The following RABGEF1 variants were observed in gnomAD, a reference collection of about 807,000 sequenced individuals.
The protein encoded by RABGEF1 is RAB guanine nucleotide exchange factor 1.
RABGEF1 carries 26 observed loss-of-function variants against 57.3 expected under a neutral mutation model. The ratio of observed to expected loss-of-function variants is 0.45; its 90% CI spans 0.33 to 0.63. The LOEUF (loss-of-function observed/expected upper bound fraction) is 0.63, where lower values mean the gene tolerates loss of function less well. Among genes scored for constraint, RABGEF1 ranks in the 20% least tolerant of loss-of-function variants. The pLI is 0.02. For synonymous variants in RABGEF1, 185 were observed against 210.7 expected (o/e 0.88, Z 1.06); for missense variants, 464 against 607.6 (o/e 0.76, Z 2.48).
chr7:66,671,771 A>AT, the RABGEF1 span, among the ~76,000 whole-genome samples: 1 of 150,322 alleles, frequency 6.7e-6, no homozygotes, highest in African/African-American at 2.4e-5. Context: ...GCAGTGAGCC[A>AT]TGATCCTACC....
At chr7:66,729,643 G>A (rs1406254455) in intron 2 of RABGEF1, among the ~76,000 whole-genome samples, 1 of 151,700 alleles carries the variant, frequency 6.6e-6, no homozygotes, top group East Asian at 1.9e-4. Flanking sequence ...CACTTCCACT[G>A]TCTTCACTAA....
intron 2 of RABGEF1, among the ~76,000 whole-genome samples, chr7:66,714,075 C>T (rs1209319489): frequency 6.6e-6 from 1 of 152,054 alleles, no homozygotes; most frequent in African/African-American, 2.4e-5. Flanking sequence ...GTAATGTTGG[C>T]TTTATACAAC....
chr7:66,751,308 G>C (rs1297391356), intron 1 of RABGEF1, among the ~76,000 whole-genome samples: 2 of 152,194 alleles, frequency 1.3e-5, no homozygotes, highest in Non-Finnish European at 2.9e-5. Context: ...TGGCATTACA[G>C]GCGTGAGCCA....
chr7:66,721,539 C>T (rs1470478461), intron 2 of RABGEF1, among the ~76,000 whole-genome samples: 1 of 152,188 alleles, frequency 6.6e-6, no homozygotes, highest in Non-Finnish European at 1.5e-5. Context: ...AATTCCACCC[C>T]CTTTGCTCTG....
intron 4 of RABGEF1, among the ~76,000 whole-genome samples, chr7:66,785,034 G>A (rs1810835574): frequency 6.6e-6 from 1 of 152,158 alleles, no homozygotes; most frequent in Non-Finnish European, 1.5e-5. Context: ...TATGTATACT[G>A]TAGTACATAT....
intron 6 of RABGEF1, among the ~76,000 whole-genome samples, chr7:66,797,933 G>T (rs754402981): frequency 6.6e-6 from 1 of 152,050 alleles, no homozygotes; most frequent in Non-Finnish European, 1.5e-5. Context: ...CCCAGGCAAC[G>T]TGGTAAAACC....
intron 2 of RABGEF1, among the ~76,000 whole-genome samples, chr7:66,732,552 G>T (rs1052198824): frequency 6.6e-6 from 1 of 152,034 alleles, no homozygotes; most frequent in Non-Finnish European, 1.5e-5. Flanking sequence ...AGCCTCCCCC[G>T]ATCCTCTGGG....
At chr7:66,740,991 C>G (rs573454953) in intron 1 of RABGEF1, among the ~76,000 whole-genome samples, 199 bp downstream of exon 1, 2 of 152,312 alleles carry the variant, frequency 1.3e-5, no homozygotes, top group South Asian at 4.1e-4. Flanking sequence ...CGTTCCAGGC[C>G]GCCCTCGGCT....
the RABGEF1 span, among the ~76,000 whole-genome samples, chr7:66,655,315 A>G: frequency 6.6e-6 from 1 of 151,626 alleles, no homozygotes; most frequent in Non-Finnish European, 1.5e-5. Context: ...AGAGGGAGGG[A>G]CTCTGCCGCT....
chr7:66,681,164 C>G (rs768440093), upstream of RABGEF1, among the ~76,000 whole-genome samples: 3 of 152,196 alleles, frequency 2.0e-5, no homozygotes, highest in Non-Finnish European at 4.4e-5. Flanking sequence ...GGATTCCAAC[C>G]CAGGTCTATC....
the RABGEF1 span, among the ~76,000 whole-genome samples, chr7:66,675,654 G>A: frequency 2.4e-4 from 37 of 152,092 alleles, no homozygotes; most frequent in African/African-American, 8.9e-4. Flanking sequence ...TTTCATGAAC[G>A]ATGTGGTCTT....
At chr7:66,801,972 C>T (rs780673269) in intron 7 of RABGEF1, among the ~76,000 whole-genome samples, 1 of 152,152 alleles carries the variant, frequency 6.6e-6, no homozygotes, top group South Asian at 2.1e-4. Flanking sequence ...CAAGTGGCAA[C>T]GATCATGGCT....
chr7:66,808,993 A>G lies in RABGEF1; in HGVS notation c.1185A>G (p.Glu395=). Residue 395 remains glutamate, a synonymous_variant, in exon 9 of 9, where the codon GAA becomes GAG. Coordinates refer to ENST00000284957, the MANE Select transcript of RABGEF1 (RefSeq NM_014504.3). ...GCCAGACCTCTCCCAGGAAGCAAGA[A>G]GCTGAGAGTTGGTCTCCTGATGCTT... ...MSGQTSPRKQ[E]AESWSPDACL... is the part of the protein sequence containing the mutation. 6.2e-7 allele frequency: 1 copy of G among 1,614,180 alleles called. No homozygotes were observed. Among genetic ancestry groups the G allele is most frequent in the Non-Finnish European group, 8.5e-7 (1 of 1,180,034 alleles).
chr7:66,668,015 C>G, the RABGEF1 span, among the ~76,000 whole-genome samples: 23 of 152,262 alleles, frequency 1.5e-4, no homozygotes, highest in South Asian at 4.4e-3. Flanking sequence ...GAAGGCTGGT[C>G]TCGAACTTCT....
At chr7:66,786,162 G>A (rs770792639) in intron 4 of RABGEF1, among the ~76,000 whole-genome samples, 1 of 152,166 alleles carries the variant, frequency 6.6e-6, no homozygotes, top group African/African-American at 2.4e-5. Flanking sequence ...TCCAAGCCCT[G>A]TATATGCCGG....
At chr7:66,750,416 G>A (rs1345740597) in intron 1 of RABGEF1, among the ~76,000 whole-genome samples, 6 of 152,178 alleles carry the variant, frequency 3.9e-5, no homozygotes, top group Non-Finnish European at 7.3e-5. Flanking sequence ...GCTATGTTGA[G>A]TAGATATTAC....
upstream of RABGEF1, among the ~76,000 whole-genome samples, chr7:66,737,093 C>CGA (rs141745026): frequency 0.066 from 8,451 of 127,244 alleles, 250 homozygotes; most frequent in East Asian, 0.1. Flanking sequence ...AGAGCGAGAG[C>CGA]GAGAGAGAGA....
At chr7:66,784,302 C>T (rs910075627) in intron 4 of RABGEF1, among the ~76,000 whole-genome samples, 7 of 152,172 alleles carry the variant, frequency 4.6e-5, no homozygotes, top group Non-Finnish European at 8.8e-5. Context: ...ATGAAAGGGA[C>T]TTTAGCAACT....
At chr7:66,745,768 C>CAA (rs35862923) in intron 1 of RABGEF1, among the ~76,000 whole-genome samples, 126 of 118,410 alleles carry the variant, frequency 1.1e-3, no homozygotes, top group Middle Eastern at 4.3e-3. Flanking sequence ...GACTCTATCT[C>CAA]AAAAAAAAAA....
Sources: gnomAD v4.1 joint callset for allele counts (sites outside exome capture counted in the v4.1 genomes callset) on GRCh38, gnomAD v4.1.1 for gene constraint, MANE v1.5 for transcripts, NCBI Gene and HGNC (gene_info 2026-07-23, HGNC 2026-07-21) for gene names.